MYO3B: variants seen among roughly 807,000 people sequenced by gnomAD.
MYO3B encodes the protein myosin IIIB.
Under a neutral mutation model 174.6 loss-of-function variants are expected in MYO3B, and 156 were observed. The observed-to-expected ratio is 0.89, with a 90% CI of 0.78 to 1.02. The LOEUF (loss-of-function observed/expected upper bound fraction) is 1.02, where lower values mean the gene tolerates loss of function less well. MYO3B is among the 50% of genes least tolerant of loss of function. MYO3B has a pLI of 0.00. For missense variants in MYO3B, 1,632 were observed against 1,639.4 expected (o/e 1.00, Z 0.08); for synonymous variants, 563 against 569.1 (o/e 0.99, Z 0.15).
intron 23 of MYO3B, among the ~76,000 whole-genome samples, chr2:170,450,019 A>G (rs1454414023): frequency 6.6e-6 from 1 of 152,218 alleles, no homozygotes; most frequent in African/African-American, 2.4e-5. Flanking sequence ...GTGGATGACA[A>G]AAGTCTTAGG....
At chr2:170,258,999 C>T (rs1416743495) in intron 7 of MYO3B, among the ~76,000 whole-genome samples, 1 of 151,978 alleles carries the variant, frequency 6.6e-6, no homozygotes, top group Admixed American at 6.5e-5. Context: ...TTCATCTAAC[C>T]AAGGAGGTGA....
chr2:170,600,719 G>C (rs1175037418), intron 32 of MYO3B, among the ~76,000 whole-genome samples: 1 of 152,088 alleles, frequency 6.6e-6, no homozygotes, highest in African/African-American at 2.4e-5. Flanking sequence ...TCATGCTTTT[G>C]GTGATACATT....
intron 25 of MYO3B, among the ~76,000 whole-genome samples, chr2:170,493,052 A>C (rs965957078): frequency 1.3e-5 from 2 of 152,214 alleles, no homozygotes; most frequent in Non-Finnish European, 2.9e-5. Context: ...GTTCAAGTTA[A>C]ATCAGTTAAA....
At chr2:170,353,147 A>C (rs2094090089) in intron 8 of MYO3B, among the ~76,000 whole-genome samples, 2 of 152,260 alleles carry the variant, frequency 1.3e-5, no homozygotes, top group South Asian at 4.1e-4. Flanking sequence ...CAAAACTTGG[A>C]AATCACCAAG....
intron 23 of MYO3B, among the ~76,000 whole-genome samples, chr2:170,451,757 A>C (rs1683605513): frequency 6.6e-6 from 1 of 152,222 alleles, no homozygotes; most frequent in African/African-American, 2.4e-5. Context: ...TAGTTGGATT[A>C]CTGGCTTCAG....
intron 7 of MYO3B, among the ~76,000 whole-genome samples, chr2:170,319,285 T>C (rs562741765): frequency 6.6e-6 from 1 of 152,330 alleles, no homozygotes; most frequent in African/African-American, 2.4e-5. Flanking sequence ...GTGTGCAGAC[T>C]TGAATTCATA....
intron 32 of MYO3B, among the ~76,000 whole-genome samples, chr2:170,621,191 C>G (rs1451796432): frequency 6.6e-6 from 1 of 151,976 alleles, no homozygotes; most frequent in Non-Finnish European, 1.5e-5. Flanking sequence ...ACCCGGCCAA[C>G]CATAGAAATA....
chr2:170,205,553 C>A (rs1465639748), intron 3 of MYO3B, among the ~76,000 whole-genome samples: 1 of 152,132 alleles, frequency 6.6e-6, no homozygotes, highest in African/African-American at 2.4e-5. Context: ...GGAGCAAAGA[C>A]TATTGATATT....
chr2:170,252,562 G>C (rs1041503931), intron 7 of MYO3B, among the ~76,000 whole-genome samples: 6 of 152,160 alleles, frequency 3.9e-5, no homozygotes, highest in African/African-American at 1.4e-4. Flanking sequence ...GTCAGGAACT[G>C]TATCAGGCAT....
At chr2:170,518,706 G>A (rs911759454) in intron 29 of MYO3B, among the ~76,000 whole-genome samples, 2 of 152,182 alleles carry the variant, frequency 1.3e-5, no homozygotes, top group African/African-American at 2.4e-5. Context: ...GACCCTACCT[G>A]CAGAGTCTCT....
chr2:170,570,107 C>T (rs1692339582), intron 32 of MYO3B, among the ~76,000 whole-genome samples: 2 of 152,064 alleles, frequency 1.3e-5, no homozygotes, highest in African/African-American at 4.8e-5. Flanking sequence ...GGAGGAAGAT[C>T]CAAGATTAAT....
At chr2:170,191,198 CCA>C (rs1257301369) in intron 1 of MYO3B, among the ~76,000 whole-genome samples, 1 of 151,756 alleles carries the variant, frequency 6.6e-6, no homozygotes, top group East Asian at 1.9e-4. Flanking sequence ...GAGCTGGTAT[CCA>C]AGTTGCAAGA....
chr2:170,589,635 ATG>A (rs1262957519), intron 32 of MYO3B, among the ~76,000 whole-genome samples: 2 of 152,224 alleles, frequency 1.3e-5, no homozygotes, highest in Non-Finnish European at 2.9e-5. Flanking sequence ...CAGCTGCACA[ATG>A]TGTTTATGTT....
intron 7 of MYO3B, among the ~76,000 whole-genome samples, chr2:170,289,203 C>T (rs989950197): frequency 1.3e-5 from 2 of 151,996 alleles, no homozygotes; most frequent in African/African-American, 2.4e-5. Flanking sequence ...TTTTTGGTAT[C>T]AAGGTGATGC....
intron 8 of MYO3B, chr2:170,344,666 G>A (rs1367970686): frequency 6.6e-6 from 1 of 152,130 alleles, no homozygotes; most frequent in African/African-American, 2.4e-5. Flanking sequence ...GAAGCAGTCT[G>A]CATCATGCTA....
intron 16 of MYO3B, among the ~76,000 whole-genome samples, chr2:170,399,510 G>A (rs1178782689): frequency 6.7e-6 from 1 of 149,694 alleles, no homozygotes; most frequent in African/African-American, 2.5e-5. Context: ...TATATTTCTT[G>A]TTATATAAAA....
chr2:170,307,268 A>AG (rs397986618), intron 7 of MYO3B, among the ~76,000 whole-genome samples: 1 of 145,324 alleles, frequency 6.9e-6, no homozygotes, highest in African/African-American at 2.6e-5. Flanking sequence ...AAAAAAAAAA[A>AG]GTCTGTGATT....
intron 32 of MYO3B, among the ~76,000 whole-genome samples, chr2:170,612,943 G>A (rs1695211622): frequency 2.0e-5 from 3 of 152,146 alleles, no homozygotes. Context: ...TGCATCAGAA[G>A]CAATCTGTCC....
At chr2:170,353,135 G>A (rs988884598) in intron 8 of MYO3B, among the ~76,000 whole-genome samples, 1 of 152,176 alleles carries the variant, frequency 6.6e-6, no homozygotes, top group Non-Finnish European at 1.5e-5. Flanking sequence ...ATTTACAAGT[G>A]CCAAAACTTG....
Sources: allele counts gnomAD v4.1 joint callset (sites outside exome capture counted in the v4.1 genomes callset), GRCh38; gene constraint gnomAD v4.1.1; transcripts MANE v1.5; gene names NCBI Gene and HGNC (gene_info 2026-07-23, HGNC 2026-07-21).